Variants in MOCOS observed in about 807,000 individuals in gnomAD.
The protein encoded by MOCOS is molybdenum cofactor sulfurase.
Under a neutral mutation model 83.6 loss-of-function variants are expected in MOCOS, and 86 were observed. The ratio of observed to expected loss-of-function variants is 1.03; its 90% confidence interval spans 0.86 to 1.23. The LOEUF (loss-of-function observed/expected upper bound fraction) is 1.23, where lower values mean the gene tolerates loss of function less well. Among genes scored for constraint, MOCOS ranks in the 50% most tolerant of loss-of-function variants. The pLI is 0.00. For missense variants in MOCOS, 1,120 were observed against 1,126.9 expected (o/e 0.99, Z 0.09); for synonymous variants, 445 against 434.7 (o/e 1.02, Z -0.29).
intron 1 of MOCOS, chr18:36,190,274 C>CT (rs2091359858): frequency 1.3e-5 from 2 of 152,246 alleles, no homozygotes; most frequent in African/African-American, 4.8e-5. Context: ...TTAAAAGTAT[C>CT]TTTTTGGACT....
intron 13 of MOCOS, among the ~76,000 whole-genome samples, chr18:36,262,734 A>T (rs935752138): frequency 2.0e-5 from 3 of 152,198 alleles, no homozygotes; most frequent in African/African-American, 7.2e-5. Flanking sequence ...CCTGGGCTCA[A>T]GTGACGTGCT....
intron 9 of MOCOS, 123 bp downstream of exon 9, chr18:36,220,340 T>TAAAAAA: frequency 9.5e-7 from 1 of 1,049,018 alleles, no homozygotes; most frequent in Non-Finnish European, 1.3e-6. Flanking sequence ...ACCTCATCTC[T>TAAAAAA]ACAAAAAAAA....
At chr18:36,203,748 T>C (rs7235689) in intron 5 of MOCOS, among the ~76,000 whole-genome samples, 18,013 of 152,280 alleles carry the variant, frequency 0.12, 1,261 homozygotes, top group South Asian at 0.16. Flanking sequence ...GTCACAGTAA[T>C]GGGACCCTTC....
chr18:36,236,862 G>C (rs1230052455), intron 9 of MOCOS, among the ~76,000 whole-genome samples: 4 of 149,064 alleles, frequency 2.7e-5, no homozygotes, highest in Admixed American at 6.7e-5. Flanking sequence ...CTTGTAAGTT[G>C]GATTCCTAGG....
At chr18:36,203,869 C>T (rs996289612) in intron 5 of MOCOS, among the ~76,000 whole-genome samples, 2 of 152,216 alleles carry the variant, frequency 1.3e-5, no homozygotes, top group East Asian at 3.9e-4. Context: ...CTGGGACAAA[C>T]GGAGTAGTTA....
intron 9 of MOCOS, among the ~76,000 whole-genome samples, chr18:36,244,346 A>G (rs11664370): frequency 0.11 from 16,914 of 152,074 alleles, 1,032 homozygotes; most frequent in Non-Finnish European, 0.13. Context: ...AGTTCAAAGA[A>G]TTTTTTAAAT....
At chr18:36,203,006 C>A (rs1346949424) in intron 4 of MOCOS, 107 bp from the exon 5 acceptor site, 6 of 1,116,870 alleles carry the variant, frequency 5.4e-6, no homozygotes, top group Non-Finnish European at 8.2e-6. Context: ...TAAAGCCAAA[C>A]CACATCAACA....
chr18:36,222,561 T>TA (rs2091500244), intron 9 of MOCOS, among the ~76,000 whole-genome samples: 1 of 151,936 alleles, frequency 6.6e-6, no homozygotes, highest in East Asian at 1.9e-4. Context: ...TACCTAGAAA[T>TA]ACCTATTCAG....
intron 2 of MOCOS, among the ~76,000 whole-genome samples, chr18:36,197,775 TAAAA>T (rs554324321): frequency 1.3e-5 from 2 of 151,762 alleles, no homozygotes; most frequent in African/African-American, 4.8e-5. Flanking sequence ...GTGTCTCTCT[TAAAA>T]AAAATCTATT....
chr18:36,196,198 C>T (rs1007205474), intron 2 of MOCOS, among the ~76,000 whole-genome samples: 5 of 152,228 alleles, frequency 3.3e-5, no homozygotes, highest in Admixed American at 1.3e-4. Context: ...TGCAGCACAA[C>T]ATGATCTCAC....
rs772465264 is a variant in MOCOS, at chr18:36,203,102, C to T, written c.942-11C>T. 25 of 1,613,236 alleles carry T rather than the reference C, an allele frequency of 1.5e-5. No homozygotes were observed. The highest frequency in any genetic ancestry group is 1.6e-4 in the Middle Eastern group (1 of 6,062). On this transcript the variant is annotated splice_polypyrimidine_tract_variant and intron_variant, in intron 4 of 14. Transcript: ENST00000261326. ...ACAGCTTGACCTGTTCTCCTTACCC[C>T]GTGGTTATAGGTTTGAAGATGGCAC...
At chr18:36,249,556 C>G (rs140659107) in intron 10 of MOCOS, among the ~76,000 whole-genome samples, 50 of 152,144 alleles carry the variant, frequency 3.3e-4, no homozygotes, top group Admixed American at 6.5e-4. Context: ...CTGCAACACT[C>G]CAGAGGAGGC....
At chr18:36,266,886 T>A in intron 14 of MOCOS, 33 bp downstream of exon 14, 1 of 1,545,832 alleles carries the variant, frequency 6.5e-7, no homozygotes. Flanking sequence ...ACACCTGGTT[T>A]CCAATCCTGG....
chr18:36,270,395 CAAGT>C lies in MOCOS; in HGVS notation c.*1714_*1717del, dbSNP rs2091695416. On this transcript the variant is annotated 3_prime_UTR_variant, in exon 15 of 15. Transcript: ENST00000261326. ...GCATCATATTAATTATGATGGAAAA[CAAGT>C]AAGAAGGCATGCTCTACAAAAATTA... 1 of 152,130 alleles carries C rather than the reference CAAGT, an allele frequency of 6.6e-6. No homozygotes were observed. Among genetic ancestry groups the C allele is most frequent in the Non-Finnish European group, 1.5e-5 (1 of 68,048 alleles). 9.4% of individuals were successfully genotyped at this position (152,130 alleles called of 1,614,324 possible).
At chr18:36,239,741 G>C (rs1171807135) in intron 9 of MOCOS, among the ~76,000 whole-genome samples, 1 of 148,646 alleles carries the variant, frequency 6.7e-6, no homozygotes, top group East Asian at 2.0e-4. Context: ...TTCCAACTTG[G>C]TTCCATTCTC....
chr18:36,193,034 G>A (rs975027141), intron 1 of MOCOS, among the ~76,000 whole-genome samples: 6 of 151,950 alleles, frequency 3.9e-5, no homozygotes, highest in Non-Finnish European at 7.4e-5. Flanking sequence ...AGAATGGGCC[G>A]GGCGCGGTGG....
rs188898370 is a variant in MOCOS, at chr18:36,215,857, T to A, written c.1677T>A (p.Asp559Glu). Residue 559 changes from aspartate (D) to glutamate (E), a missense_variant, in exon 8 of 15, where the codon GAT (aspartate) becomes GAA (glutamate). Coordinates refer to ENST00000261326, the MANE Select transcript of MOCOS (RefSeq NM_017947.4). Reference sequence around the variant, plus strand: ...TGCCTGTGGCCCCACCTGTGTGTGATGTCGCCAGAACCCAGCCGACTCCTT... The same window carrying A: ...TGCCTGTGGCCCCACCTGTGTGTGAAGTCGCCAGAACCCAGCCGACTCCTT... ...NAVPVAPPVC[D>E]VARTQPTPSE... 2.5e-6 allele frequency: 4 copies of A among 1,614,214 alleles called. No homozygotes were observed. Among genetic ancestry groups the A allele is most frequent in the Non-Finnish European group, 3.4e-6 (4 of 1,180,052 alleles).
intron 9 of MOCOS, among the ~76,000 whole-genome samples, chr18:36,237,716 C>T (rs2144939439): frequency 6.6e-6 from 1 of 151,976 alleles, no homozygotes; most frequent in South Asian, 2.1e-4. Flanking sequence ...GGTACCAGTT[C>T]CTCCTTGTAC....
chr18:36,202,197 A>G (rs1432165199), intron 4 of MOCOS, among the ~76,000 whole-genome samples: 2 of 152,240 alleles, frequency 1.3e-5, no homozygotes, highest in Non-Finnish European at 2.9e-5. Context: ...TACCTTGACT[A>G]TGTTCTCAAC....
Sources: allele counts gnomAD v4.1 joint callset (sites outside exome capture counted in the v4.1 genomes callset), GRCh38; gene constraint gnomAD v4.1.1; transcripts MANE v1.5; gene names NCBI Gene and HGNC (gene_info 2026-07-23, HGNC 2026-07-21).